ROMO1: variants seen among roughly 807,000 people sequenced by gnomAD.
The protein encoded by ROMO1 is reactive oxygen species modulator 1.
ROMO1 carries 8 observed loss-of-function variants against 7.4 expected under a neutral mutation model. That is an observed-to-expected ratio of 1.08 (90% CI 0.63 to 1.95). ROMO1 has a LOEUF of 1.95. ROMO1 is among the 30% of genes most tolerant of loss of function. The pLI is 0.00. For synonymous variants in ROMO1, 43 were observed against 41.4 expected (o/e 1.04, Z -0.15); for missense variants, 91 against 115.9 (o/e 0.79, Z 0.99).
In ROMO1 at chr20:35,700,800, T is replaced by A. The variant is rs770351765; in HGVS notation, c.134T>A (p.Ile45Asn). 2.5e-6 allele frequency: 4 copies of A among 1,613,874 alleles called. No individual in the cohort carries two copies. The highest frequency in any genetic ancestry group is 3.4e-6 in the Non-Finnish European group (4 of 1,179,872). The part of the protein sequence containing the change: ...ALFGTFSCLR[I>N]GMRGRELMGG... ...CTCCATCTTGGTTTCCTCCTCAGGA[T>A]CGGAATGCGGGGTCGAGAGCTGATG... The change falls in exon 3 of 3, where the codon ATC becomes AAC. Residue 45 changes from isoleucine to asparagine, a missense_variant and splice_region_variant. Coordinates refer to ENST00000374077, the MANE Select transcript of ROMO1 (RefSeq NM_080748.3).
rs1568969266 is a variant in ROMO1, at chr20:35,699,788, TG to T, written c.131+28del. The T allele has an allele frequency of 1.9e-6, 3 of 1,596,894 alleles. No homozygotes were observed. The African/African-American group carries it at 4.0e-5, about 21-fold the overall frequency. ...GGTGAGGGGCGCGGGCGGTGATCTCTGGGCAGGACAACCAGACCTTCCGGCC... is the reference window on the plus strand; with the variant it reads ...GGTGAGGGGCGCGGGCGGTGATCTCTGGCAGGACAACCAGACCTTCCGGCC... On this transcript the variant is annotated intron_variant, in intron 2 of 2. Coordinates refer to ENST00000374077, the MANE Select transcript of ROMO1 (RefSeq NM_080748.3). The surrounding 1 kb of genome is among the most constrained non-coding windows in gnomAD (Gnocchi z 4.4).
rs980275757 is a variant in ROMO1, at chr20:35,699,519, A to AT, written c.-1+67dup. 1.4e-6 allele frequency: 2 copies of AT among 1,468,568 alleles called. No homozygotes were observed. Among genetic ancestry groups the AT allele is most frequent in the African/African-American group, 2.8e-5 (2 of 71,670 alleles). The allele number at this position is 1,468,568 out of a possible 1,614,324, so 91.0% of individuals were successfully genotyped here. A position where few individuals can be genotyped will look rare whatever the true frequency, so the allele number is the denominator to read the frequency against. On this transcript the variant is annotated intron_variant, in intron 1 of 2. Transcript: ENST00000374077. This position sits in a 1 kb window ranked among gnomAD's most constrained non-coding sequence, Gnocchi z 4.4. ...GGTGGTGGAGTCGGGCTACCCACTG[A>AT]TTTTCCTTCCCTTACTTCCCCTGAG... is the stretch of plus-strand genomic sequence containing the variant.
rs1401135591 is a variant in ROMO1 at position 35,700,808 on chromosome 20, C to T, written c.142C>T (p.Arg48Trp). 1.9e-6 allele frequency: 3 copies of T among 1,613,950 alleles called. No homozygotes were observed. Among genetic ancestry groups the T allele is most frequent in the East Asian group, 2.2e-5 (1 of 44,886 alleles). ...GTFSCLRIGM[R>W]GRELMGGIGK... Reference sequence around the variant, plus strand: ...TGGTTTCCTCCTCAGGATCGGAATGCGGGGTCGAGAGCTGATGGGCGGCAT... The same window carrying T: ...TGGTTTCCTCCTCAGGATCGGAATGTGGGGTCGAGAGCTGATGGGCGGCAT... The change falls in exon 3 of 3, where the codon CGG becomes TGG. Residue 48 changes from arginine (R) to tryptophan (W), a missense_variant. Coordinates refer to ENST00000374077, the MANE Select transcript of ROMO1 (RefSeq NM_080748.3).
rs373737996 is a variant in ROMO1 at position 35,699,727 on chromosome 20, C to T, written c.95C>T (p.Ala32Val). ...GTGATGGGTTGCGCCGTGGGCATGG[C>T]GGCCGGGGCGCTCTTCGGCACCTTT... ...GFVMGCAVGM[A>V]AGALFGTFSC... Residue 32 changes from alanine to valine, a missense_variant, in exon 2 of 3, where the codon GCG becomes GTG. Transcript: ENST00000374077. The surrounding 1 kb of genome is among the most constrained non-coding windows in gnomAD (Gnocchi z 4.4). 2 of 1,612,532 alleles carry T rather than the reference C, an allele frequency of 1.2e-6. No individual in the cohort carries two copies.
At position 35,699,879 on chromosome 20, in the gene ROMO1, G is replaced by C; in HGVS notation, c.131+116G>C. On this transcript the variant is annotated intron_variant, in intron 2 of 2. Coordinates refer to ENST00000374077, the MANE Select transcript of ROMO1 (RefSeq NM_080748.3). This position sits in a 1 kb window ranked among gnomAD's most constrained non-coding sequence, Gnocchi z 4.4. ...TTTCGACTTCCCTCTCTGTCCCCTCGCGAGCCAGACTCATTCCAAACCACC... is the reference window on the plus strand; with the variant it reads ...TTTCGACTTCCCTCTCTGTCCCCTCCCGAGCCAGACTCATTCCAAACCACC... The C allele has an allele frequency of 5.1e-6, 7 of 1,361,732 alleles. No homozygotes were observed. Among genetic ancestry groups the C allele is most frequent in the Non-Finnish European group, 6.9e-6 (7 of 1,012,682 alleles). 84.4% of individuals were successfully genotyped at this position (1,361,732 alleles called of 1,614,324 possible).
At position 35,699,766 on chromosome 20, in the gene ROMO1, G is replaced by T; in HGVS notation, c.131+3G>T. The T allele has an allele frequency of 6.2e-7, 1 of 1,606,130 alleles. No individual in the cohort carries two copies. ...TTCGGCACCTTTTCCTGTCTCAGGT[G>T]AGGGGCGCGGGCGGTGATCTCTGGG... On this transcript the variant is annotated splice_donor_region_variant and intron_variant, in intron 2 of 2. Coordinates refer to ENST00000374077, the MANE Select transcript of ROMO1 (RefSeq NM_080748.3). This position sits in a 1 kb window ranked among gnomAD's most constrained non-coding sequence, Gnocchi z 4.4.
rs1204791306 is a variant in ROMO1, at chr20:35,699,465, CG to C, written c.-1+12del. Reference sequence around the variant, plus strand: ...CCCGCGAGCGAGGTGAGGTAGGCGCCGGGCGACGCGGGGCCGGAACGCGAAG... The same window carrying C: ...CCCGCGAGCGAGGTGAGGTAGGCGCCGGCGACGCGGGGCCGGAACGCGAAG... On this transcript the variant is annotated intron_variant, in intron 1 of 2. Coordinates refer to ENST00000374077, the MANE Select transcript of ROMO1 (RefSeq NM_080748.3). This position sits in a 1 kb window ranked among gnomAD's most constrained non-coding sequence, Gnocchi z 4.4. The C allele has an allele frequency of 3.3e-6, 4 of 1,202,370 alleles. No homozygotes were observed. Among genetic ancestry groups the C allele is most frequent in the Non-Finnish European group, 4.6e-6 (4 of 871,836 alleles). 74.5% of individuals were successfully genotyped at this position (1,202,370 alleles called of 1,614,324 possible). A position where few individuals can be genotyped will look rare whatever the true frequency, so the allele number is the denominator to read the frequency against.
chr20:35,700,899 G>A lies in ROMO1; in HGVS notation c.233G>A (p.Arg78Gln), dbSNP rs1314044999. 2 of 1,609,472 alleles carry A rather than the reference G, an allele frequency of 1.2e-6. No individual in the cohort carries two copies. The highest frequency in any genetic ancestry group is 1.7e-6 in the Non-Finnish European group (2 of 1,175,842). Residue 78 changes from arginine (R) to glutamine (Q), a missense_variant, in exon 3 of 3, where the codon CGA becomes CAA. Physicochemically the swap from Arg to Gln is conservative, Grantham distance 43. Coordinates refer to ENST00000374077, the MANE Select transcript of ROMO1 (RefSeq NM_080748.3). ...TTCATGGCCATTGGGATGGGCATCC[G>A]ATGCTAACCATGGTTGCCAACTACA... ...GTFMAIGMGIRC is the reference protein window; with the variant it reads ...GTFMAIGMGIQC
rs1568970064 is a variant in ROMO1 at position 35,700,837 on chromosome 20, G to GA, written c.175dup (p.Thr59AsnfsTer46). On this transcript the variant is annotated frameshift_variant, in exon 3 of 3. Coordinates refer to ENST00000374077, the MANE Select transcript of ROMO1 (RefSeq NM_080748.3). LOFTEE classifies it high-confidence loss of function. ...GTCGAGAGCTGATGGGCGGCATTGG[G>GA]AAAACCATGATGCAGAGTGGCGGCA... 6.2e-7 allele frequency: 1 copy of GA among 1,614,226 alleles called. No individual in the cohort carries two copies. The highest frequency in any genetic ancestry group is 1.7e-5 in the Admixed American group (1 of 60,024).
In ROMO1 at chr20:35,700,851, A is replaced by G; in HGVS notation, c.185A>G (p.Gln62Arg). The change falls in exon 3 of 3, where the codon CAG becomes CGG. Residue 62 changes from glutamine (Q) to arginine (R), a missense_variant. Coordinates refer to ENST00000374077, the MANE Select transcript of ROMO1 (RefSeq NM_080748.3). ...LMGGIGKTMM[Q>R]SGGTFGTFMA... The stretch of plus-strand genomic sequence containing the variant: ...GGCGGCATTGGGAAAACCATGATGC[A>G]GAGTGGCGGCACCTTTGGCACATTC... The G allele has an allele frequency of 6.2e-7, 1 of 1,614,242 alleles. No individual in the cohort carries two copies. The highest frequency in any genetic ancestry group is 8.5e-7 in the Non-Finnish European group (1 of 1,180,040).
rs1423842389 is a variant in ROMO1 at position 35,699,613 on chromosome 20, C to A, written c.1-20C>A. On this transcript the variant is annotated intron_variant, in intron 1 of 2. Coordinates refer to ENST00000374077, the MANE Select transcript of ROMO1 (RefSeq NM_080748.3). This position sits in a 1 kb window ranked among gnomAD's most constrained non-coding sequence, Gnocchi z 4.4. ...ACTCTTGGGCCAGCGCCTGGGCCCA[C>A]ACTTTCCTATCCCCCGCAGATGCCG... The A allele has an allele frequency of 1.2e-6, 2 of 1,611,312 alleles. No individual in the cohort carries two copies. The highest frequency in any genetic ancestry group is 1.1e-5 in the South Asian group (1 of 91,086).
Position 35,699,969 on chromosome 20 carries a change from C to T in ROMO1, c.131+206C>T, listed in dbSNP as rs1286318812. Among the ~76,000 whole-genome samples the T allele has an allele frequency of 6.6e-6, 1 of 152,180 alleles. No homozygotes were observed. Among genetic ancestry groups the T allele is most frequent in the East Asian group, 1.9e-4 (1 of 5,202 alleles). Reference sequence around the variant, plus strand: ...GAATTTGAGCTTTAGAGTCAAAATGCTTTCTGGCCCTTTTCTTACTGGTTC... The same window carrying T: ...GAATTTGAGCTTTAGAGTCAAAATGTTTTCTGGCCCTTTTCTTACTGGTTC... On this transcript the variant is annotated intron_variant, in intron 2 of 2. Transcript: ENST00000374077. This position sits in a 1 kb window ranked among gnomAD's most constrained non-coding sequence, Gnocchi z 4.4.
intron 2 of ROMO1, among the ~76,000 whole-genome samples, chr20:35,700,353 G>C (rs181965881): frequency 7.9e-5 from 12 of 152,240 alleles, no homozygotes; most frequent in African/African-American, 2.9e-4. Context: ...AAATACTGTA[G>C]TTTTCAAAAT....
chr20:35,699,419 A>G lies in ROMO1; in HGVS notation c.-38A>G, dbSNP rs533190322. The G allele has an allele frequency of 1.8e-4, 213 of 1,204,440 alleles. No homozygotes were observed. Among genetic ancestry groups the G allele is most frequent in the African/African-American group, 5.9e-4 (38 of 64,278 alleles). The allele number at this position is 1,204,440 out of a possible 1,614,324, so 74.6% of individuals were successfully genotyped here. ...CCCTCCCCGTCGTTTTCCGTGAGAG[A>G]CGTAGAGCTGAGCGACCCAGCCCGC... On this transcript the variant is annotated 5_prime_UTR_variant, in exon 1 of 3. Transcript: ENST00000374077. This position sits in a 1 kb window ranked among gnomAD's most constrained non-coding sequence, Gnocchi z 4.4.
At position 35,700,814 on chromosome 20, in the gene ROMO1, CGA is replaced by C; in HGVS notation, c.152_153del (p.Glu51AlafsTer53). ...FSCLRIGMRG[R>X]ELMGGIGKTM... is the part of the protein sequence containing the mutation. ...CCTCCTCAGGATCGGAATGCGGGGT[CGA>C]GAGCTGATGGGCGGCATTGGGAAAA... On this transcript the variant is annotated frameshift_variant, in exon 3 of 3. Coordinates refer to ENST00000374077, the MANE Select transcript of ROMO1 (RefSeq NM_080748.3). LOFTEE classifies it high-confidence loss of function. 6.2e-7 allele frequency: 1 copy of C among 1,614,088 alleles called. No homozygotes were observed. Among genetic ancestry groups the C allele is most frequent in the Non-Finnish European group, 8.5e-7 (1 of 1,179,988 alleles).
intron 2 of ROMO1, 172 bp from the exon 3 acceptor site, chr20:35,700,626 G>A (rs960067013): frequency 9.5e-6 from 6 of 630,194 alleles, no homozygotes; most frequent in Non-Finnish European, 1.7e-5. Context: ...GACCCAGATG[G>A]ATCTTTTTCC....
Position 35,699,448 on chromosome 20 carries a change from C to T in ROMO1, c.-9C>T. ...AGAGCTGAGCGACCCAGCCCGCGAGCGAGGTGAGGTAGGCGCCGGGCGACG... is the reference window on the plus strand; with the variant it reads ...AGAGCTGAGCGACCCAGCCCGCGAGTGAGGTGAGGTAGGCGCCGGGCGACG... On this transcript the variant is annotated 5_prime_UTR_variant, in exon 1 of 3. Coordinates refer to ENST00000374077, the MANE Select transcript of ROMO1 (RefSeq NM_080748.3). The surrounding 1 kb of genome is among the most constrained non-coding windows in gnomAD (Gnocchi z 4.4). The T allele has an allele frequency of 1.7e-6, 2 of 1,173,892 alleles. No homozygotes were observed. The highest frequency in any genetic ancestry group is 2.3e-6 in the Non-Finnish European group (2 of 856,522). 72.7% of individuals were successfully genotyped at this position (1,173,892 alleles called of 1,614,324 possible). A position where few individuals can be genotyped will look rare whatever the true frequency, so the allele number is the denominator to read the frequency against.
In ROMO1 at chr20:35,699,605, T is replaced by C; in HGVS notation, c.1-28T>C. 1 of 1,609,912 alleles carries C rather than the reference T, an allele frequency of 6.2e-7. No individual in the cohort carries two copies. Among genetic ancestry groups the C allele is most frequent in the South Asian group, 1.1e-5 (1 of 91,068 alleles). On this transcript the variant is annotated intron_variant, in intron 1 of 2. Coordinates refer to ENST00000374077, the MANE Select transcript of ROMO1 (RefSeq NM_080748.3). This position sits in a 1 kb window ranked among gnomAD's most constrained non-coding sequence, Gnocchi z 4.4. Reference sequence around the variant, plus strand: ...CCCGCCCGACTCTTGGGCCAGCGCCTGGGCCCACACTTTCCTATCCCCCGC... The same window carrying C: ...CCCGCCCGACTCTTGGGCCAGCGCCCGGGCCCACACTTTCCTATCCCCCGC...
Position 35,700,878 on chromosome 20 carries a change from T to G in ROMO1, c.212T>G (p.Met71Arg). 1 of 1,614,028 alleles carries G rather than the reference T, an allele frequency of 6.2e-7. No individual in the cohort carries two copies. Among genetic ancestry groups the G allele is most frequent in the Non-Finnish European group, 8.5e-7 (1 of 1,179,862 alleles). The change falls in exon 3 of 3, where the codon ATG becomes AGG. Residue 71 changes from methionine (M) to arginine (R), a missense_variant. Met to Arg is a moderately conservative substitution (Grantham distance 91). Coordinates refer to ENST00000374077, the MANE Select transcript of ROMO1 (RefSeq NM_080748.3). ...AGTGGCGGCACCTTTGGCACATTCATGGCCATTGGGATGGGCATCCGATGC... is the reference window on the plus strand; with the variant it reads ...AGTGGCGGCACCTTTGGCACATTCAGGGCCATTGGGATGGGCATCCGATGC... ...MQSGGTFGTF[M>R]AIGMGIRC
Sources: gnomAD v4.1 joint callset for allele counts (sites outside exome capture counted in the v4.1 genomes callset) on GRCh38, gnomAD v4.1.1 for gene constraint, Gnocchi (gnomAD v3.1) non-coding constraint, MANE v1.5 for transcripts, NCBI Gene and HGNC (gene_info 2026-07-23, HGNC 2026-07-21) for gene names.